The following MYBL1 variants were observed in gnomAD, a reference collection of about 807,000 sequenced individuals.
MYBL1 encodes myb-related protein A.
In MYBL1, 17 loss-of-function variants were observed where a neutral mutation model predicts 96.3. The ratio of observed to expected loss-of-function variants is 0.18; its 90% CI spans 0.12 to 0.26. The LOEUF (loss-of-function observed/expected upper bound fraction) is 0.26, where lower values mean the gene tolerates loss of function less well. Ranked by LOEUF, MYBL1 falls within the 10% of genes least tolerant of loss-of-function variation. MYBL1 has a pLI of 1.00. For missense variants in MYBL1, 701 were observed against 882.9 expected, an observed-to-expected ratio of 0.79 and a Z score of 2.61; for synonymous variants, 282 against 292.7, an observed-to-expected ratio of 0.96 and a Z score of 0.37.
intron 4 of MYBL1, among the ~76,000 whole-genome samples, chr8:66,598,741 A>G (rs1358310327): frequency 6.6e-6 from 1 of 152,200 alleles, no homozygotes; most frequent in African/African-American, 2.4e-5. Flanking sequence ...TAGATTTTTG[A>G]CAAAAAACTA....
At chr8:66,582,464 C>T (rs141701041) in intron 8 of MYBL1, among the ~76,000 whole-genome samples, 55 of 143,744 alleles carry the variant, frequency 3.8e-4, no homozygotes, top group African/African-American at 1.3e-3. Flanking sequence ...ATGCCTGCAA[C>T]CACAGCACTT....
chr8:66,604,717 T>C (rs537583697), intron 1 of MYBL1, among the ~76,000 whole-genome samples: 3 of 152,106 alleles, frequency 2.0e-5, no homozygotes, highest in Non-Finnish European at 2.9e-5. Flanking sequence ...ATATTAGGAA[T>C]TGAAAGAAAT....
chr8:66,582,485 A>G lies in MYBL1; in HGVS notation c.868-2119T>C, dbSNP rs368884924. Among the ~76,000 whole-genome samples the G allele has an allele frequency of 4.3e-4, 62 of 144,922 alleles. 1 individual carries two copies. The East Asian group carries it at 0.011, about 27-fold the overall frequency. On this transcript the variant is annotated intron_variant, in intron 8 of 15. Coordinates refer to ENST00000522677, the MANE Select transcript of MYBL1 (RefSeq NM_001080416.4). ...GCAACCACAGCACTTTGGGAGGCCAAGGTGGGCTCAGGAGTTTGAAACCAG... is the reference window on the plus strand; with the variant it reads ...GCAACCACAGCACTTTGGGAGGCCAGGGTGGGCTCAGGAGTTTGAAACCAG...
chr8:66,598,449 A>C (rs1809936877), intron 4 of MYBL1, among the ~76,000 whole-genome samples: 1 of 152,240 alleles, frequency 6.6e-6, no homozygotes, highest in South Asian at 2.1e-4. Flanking sequence ...GTTTGTTTTG[A>C]GCAGGAGTAA....
chr8:66,609,788 C>A (rs1810458284), intron 1 of MYBL1, among the ~76,000 whole-genome samples: 1 of 151,900 alleles, frequency 6.6e-6, no homozygotes. Context: ...ACCTTACAGA[C>A]CATAAAATCC....
At chr8:66,580,436 C>G in intron 8 of MYBL1, 70 bp from the exon 9 acceptor site, 1 of 1,040,726 alleles carries the variant, frequency 9.6e-7, no homozygotes, top group East Asian at 2.6e-5. Flanking sequence ...GATTTCAACA[C>G]ATTTCAATTA....
chr8:66,570,667 C>CAATA (rs1440573801), intron 12 of MYBL1, among the ~76,000 whole-genome samples: 1 of 152,090 alleles, frequency 6.6e-6, no homozygotes, highest in Non-Finnish European at 1.5e-5. Context: ...GGCACTCAAT[C>CAATA]AATATTTGCT....
chr8:66,575,452 T>C (rs1242889761), intron 10 of MYBL1, among the ~76,000 whole-genome samples: 2 of 152,150 alleles, frequency 1.3e-5, no homozygotes, highest in Non-Finnish European at 2.9e-5. Context: ...TATAAAGATA[T>C]GGGACTACAA....
chr8:66,591,707 T>C (rs1809652764), intron 8 of MYBL1, among the ~76,000 whole-genome samples: 1 of 152,084 alleles, frequency 6.6e-6, no homozygotes, highest in South Asian at 2.1e-4. Context: ...AGAATAAAAA[T>C]AATTTTGGAG....
Position 66,613,005 on chromosome 8 carries a change from G to T in MYBL1, c.-167C>A. 1 of 780,806 alleles carries T rather than the reference G, an allele frequency of 1.3e-6. No individual in the cohort carries two copies. Among genetic ancestry groups the T allele is most frequent in the African/African-American group, 1.8e-5 (1 of 55,820 alleles). The allele number at this position is 780,806 out of a possible 1,614,324, so 48.4% of individuals were successfully genotyped here. On this transcript the variant is annotated 5_prime_UTR_variant, in exon 1 of 16. Transcript: ENST00000522677. ...CGACAGGGCAGGACGGAGGGACAGC[G>T]GGGGCGGACCGCGACCCGACCCCGA...
chr8:66,565,886 C>G (rs989498173), intron 15 of MYBL1, among the ~76,000 whole-genome samples, 178 bp downstream of exon 15: 8 of 152,014 alleles, frequency 5.3e-5, no homozygotes, highest in African/African-American at 1.9e-4. Context: ...TTTATATGTG[C>G]CCTGATGAAT....
Position 66,580,170 on chromosome 8 carries a change from A to T in MYBL1, c.1064T>A (p.Ile355Asn). 6.2e-7 allele frequency: 1 copy of T among 1,613,824 alleles called. No homozygotes were observed. Among genetic ancestry groups the T allele is most frequent in the Non-Finnish European group, 8.5e-7 (1 of 1,179,782 alleles). The change falls in exon 9 of 16, where the codon ATC becomes AAC. Residue 355 changes from isoleucine (I) to asparagine (N), a missense_variant. Around this residue, in one of 5 missense-constraint regions of MYBL1, gnomAD observed 396 missense variants for 407.4 expected, o/e 0.97. Coordinates refer to ENST00000522677, the MANE Select transcript of MYBL1 (RefSeq NM_001080416.4). ...ANAVLSSLQTIPEFAETLELI... is the reference protein window; with the variant it reads ...ANAVLSSLQTNPEFAETLELI... ...TTCTAGAGTCTCTGCAAATTCTGGG[A>T]TGGTCTGCAAAGAGGATAACACAGC...
chr8:66,604,029 C>T (rs1810210748), intron 1 of MYBL1, among the ~76,000 whole-genome samples: 1 of 151,496 alleles, frequency 6.6e-6, no homozygotes, highest in Non-Finnish European at 1.5e-5. Context: ...AGAATTACCA[C>T]TACCCAATAT....
intron 1 of MYBL1, among the ~76,000 whole-genome samples, chr8:66,608,498 A>G (rs1013993686): frequency 4.6e-5 from 7 of 152,174 alleles, no homozygotes; most frequent in Non-Finnish European, 8.8e-5. Flanking sequence ...ACCAAAAAAA[A>G]GATCCTAGAT....
At chr8:66,597,048 A>G (rs1243834649) in intron 5 of MYBL1, among the ~76,000 whole-genome samples, 1 of 152,162 alleles carries the variant, frequency 6.6e-6, no homozygotes, top group East Asian at 1.9e-4. Flanking sequence ...TGACACTGAT[A>G]TGTCAACATG....
chr8:66,576,301 T>A lies in MYBL1; in HGVS notation c.1176A>T (p.Pro392=), dbSNP rs766835198. ...TGTGCTGAATTCTCATTAATTTAAC[T>A]GGGGTGGATTTGATAGGAGAAGCAG... ...DAAASPIKST[P]VKLMRIQHNE... Residue 392 remains proline (P), a synonymous_variant, in exon 10 of 16, where the codon CCA becomes CCT. Transcript: ENST00000522677. 1.5e-5 allele frequency: 25 copies of A among 1,613,880 alleles called. No homozygotes were observed. The highest frequency in any genetic ancestry group is 2.1e-5 in the Non-Finnish European group (25 of 1,179,890).
intron 8 of MYBL1, among the ~76,000 whole-genome samples, chr8:66,590,041 T>A (rs1196670565): frequency 6.6e-6 from 1 of 152,008 alleles, no homozygotes; most frequent in African/African-American, 2.4e-5. Context: ...ACCACTGCAC[T>A]CCAGCCTAGG....
intron 4 of MYBL1, among the ~76,000 whole-genome samples, chr8:66,598,796 C>A (rs1809952224): frequency 6.6e-6 from 1 of 152,134 alleles, no homozygotes; most frequent in African/African-American, 2.4e-5. Flanking sequence ...GGTAACTAAC[C>A]TTACAGCAAG....
In MYBL1 at chr8:66,593,186, C is replaced by T. The variant is rs772895103; in HGVS notation, c.696G>A (p.Gly232=). The part of the protein sequence containing the change: ...NQFYIPVQIP[G]YQYVSPEGNC... ...TGCCTTCAGGTGACACATACTGATACCCAGGGATCTAAAAAGTAATTAATG... is the reference window on the plus strand; with the variant it reads ...TGCCTTCAGGTGACACATACTGATATCCAGGGATCTAAAAAGTAATTAATG... The change falls in exon 7 of 16, where the codon GGG becomes GGA. Residue 232 remains glycine, a synonymous_variant. Coordinates refer to ENST00000522677, the MANE Select transcript of MYBL1 (RefSeq NM_001080416.4). 2 of 1,572,676 alleles carry T rather than the reference C, an allele frequency of 1.3e-6. No individual in the cohort carries two copies. Among genetic ancestry groups the T allele is most frequent in the South Asian group, 1.2e-5 (1 of 85,534 alleles).
Sources: gnomAD v4.1 joint callset for allele counts (sites outside exome capture counted in the v4.1 genomes callset) on GRCh38, gnomAD v4.1.1 for gene constraint, gnomAD v4.1.1 regional missense constraint, MANE v1.5 for transcripts, NCBI Gene and HGNC (gene_info 2026-07-23, HGNC 2026-07-21) for gene names.